The following RTN1 variants were observed in gnomAD, a reference collection of about 807,000 sequenced individuals.
The protein encoded by RTN1 is reticulon-1.
A neutral mutation model predicts 65.5 loss-of-function variants in RTN1; 25 were observed. That is an observed-to-expected ratio of 0.38 (90% CI 0.28 to 0.53). The LOEUF is 0.53. Among genes scored for constraint, RTN1 ranks in the 20% least tolerant of loss-of-function variants. The probability of loss-of-function intolerance (pLI) is 0.79; values close to 1 mark genes in which losing one functional copy is unlikely to be tolerated. For missense variants in RTN1, 983 were observed against 1,025.4 expected (o/e 0.96, Z 0.57); for synonymous variants, 471 against 447.6 (o/e 1.05, Z -0.66).
At chr14:59,636,387 T>C (rs1190344887) in intron 3 of RTN1, among the ~76,000 whole-genome samples, 1 of 152,166 alleles carries the variant, frequency 6.6e-6, no homozygotes, top group Non-Finnish European at 1.5e-5. Context: ...CGCCATGTGA[T>C]GTGCCTGCTC....
Position 59,870,364 on chromosome 14 carries a change from T to C in RTN1, c.241+26A>G. The C allele has an allele frequency of 2.0e-6, 3 of 1,480,526 alleles. No individual in the cohort carries two copies. Among genetic ancestry groups the C allele is most frequent in the Non-Finnish European group, 1.8e-6 (2 of 1,125,126 alleles). 91.7% of individuals were successfully genotyped at this position (1,480,526 alleles called of 1,614,324 possible). A position where few individuals can be genotyped will look rare whatever the true frequency, so the allele number is the denominator to read the frequency against. ...GGGGGGCCCTGGTCCCCGACGCCATTTGAGGGGCAGCGGCGCCCGCCTTAC... is the reference window on the plus strand; with the variant it reads ...GGGGGGCCCTGGTCCCCGACGCCATCTGAGGGGCAGCGGCGCCCGCCTTAC... On this transcript the variant is annotated intron_variant, in intron 1 of 8. Coordinates refer to ENST00000267484, the MANE Select transcript of RTN1 (RefSeq NM_021136.3). This position sits in a 1 kb window ranked among gnomAD's most constrained non-coding sequence, Gnocchi z 5.1.
intron 1 of RTN1, among the ~76,000 whole-genome samples, chr14:59,761,535 C>A (rs776180382): frequency 6.6e-6 from 1 of 152,144 alleles, no homozygotes; most frequent in Non-Finnish European, 1.5e-5. Flanking sequence ...ATAAATTATC[C>A]AGTCTCAGGT....
intron 1 of RTN1, among the ~76,000 whole-genome samples, chr14:59,784,003 C>T (rs1261792420): frequency 2.0e-5 from 3 of 150,782 alleles, no homozygotes; most frequent in Non-Finnish European, 4.4e-5. Flanking sequence ...CACTTATTGG[C>T]TGTTTGTTAT....
chr14:59,670,283 A>G (rs751012616), intron 3 of RTN1, among the ~76,000 whole-genome samples: 2 of 152,250 alleles, frequency 1.3e-5, no homozygotes, highest in Non-Finnish European at 2.9e-5. Flanking sequence ...ATAGCCCAGC[A>G]GTAAATTTTT....
In RTN1 at chr14:59,755,955, G is replaced by T. The variant is rs117733741; in HGVS notation, c.242-9474C>A. 8.5e-3 allele frequency among the ~76,000 whole-genome samples: 1,295 copies of T among 152,212 alleles called. 17 individuals carry two copies. Among genetic ancestry groups the T allele is most frequent in the Middle Eastern group, 0.01 (3 of 294 alleles). Reference sequence around the variant, plus strand: ...CTTGTCTGCCAGAATAATAGATTTCGCTTTTGGTTTTGCAAAATTAATGTT... The same window carrying T: ...CTTGTCTGCCAGAATAATAGATTTCTCTTTTGGTTTTGCAAAATTAATGTT... On this transcript the variant is annotated intron_variant, in intron 1 of 8. Transcript: ENST00000267484.
intron 1 of RTN1, among the ~76,000 whole-genome samples, chr14:59,818,078 C>A (rs1035770464): frequency 6.6e-6 from 1 of 152,108 alleles, no homozygotes; most frequent in Admixed American, 6.5e-5. Context: ...ATCTTTGTGT[C>A]CATGTGTATT....
chr14:59,814,056 G>A (rs905429233), intron 1 of RTN1, among the ~76,000 whole-genome samples: 8 of 152,184 alleles, frequency 5.3e-5, no homozygotes, highest in African/African-American at 1.9e-4. Flanking sequence ...AGGGACTCCT[G>A]TGAAGCCCAG....
At chr14:59,641,078 C>A (rs1017243299) in intron 3 of RTN1, among the ~76,000 whole-genome samples, 24 of 152,218 alleles carry the variant, frequency 1.6e-4, no homozygotes, top group African/African-American at 5.3e-4. Context: ...CCACCTCAGC[C>A]TCTAAAGCAG....
chr14:59,861,886 C>T (rs1277143657), intron 1 of RTN1, among the ~76,000 whole-genome samples: 5 of 152,144 alleles, frequency 3.3e-5, no homozygotes, highest in Non-Finnish European at 5.9e-5. Context: ...CTGCTCTCAC[C>T]GTATTATAGC....
At chr14:59,708,259 G>A (rs1884341739) in intron 3 of RTN1, among the ~76,000 whole-genome samples, 1 of 152,224 alleles carries the variant, frequency 6.6e-6, no homozygotes, top group Non-Finnish European at 1.5e-5. Flanking sequence ...AACAAGCTCG[G>A]TGTGGTAAAG....
intron 1 of RTN1, among the ~76,000 whole-genome samples, chr14:59,806,713 A>G (rs1886645947): frequency 6.6e-6 from 1 of 152,154 alleles, no homozygotes; most frequent in Non-Finnish European, 1.5e-5. Context: ...GAGAACATGT[A>G]GTATTTGGTT....
intron 1 of RTN1, among the ~76,000 whole-genome samples, chr14:59,772,386 G>A (rs1453527276): frequency 1.3e-5 from 2 of 151,716 alleles, no homozygotes; most frequent in Non-Finnish European, 2.9e-5. Context: ...CAATTCATGT[G>A]CAAGTACATT....
chr14:59,613,370 C>T (rs1882012487), intron 3 of RTN1, among the ~76,000 whole-genome samples: 1 of 152,174 alleles, frequency 6.6e-6, no homozygotes, highest in Non-Finnish European at 1.5e-5. Flanking sequence ...GTGATCTCAG[C>T]TCATTGCAAC....
chr14:59,672,517 G>C lies in RTN1; in HGVS notation c.1765+54402C>G, dbSNP rs982170756. Among the ~76,000 whole-genome samples, 3 of 151,824 alleles carry C rather than the reference G, an allele frequency of 2.0e-5. No homozygotes were observed. In the South Asian group the frequency reaches 6.2e-4, roughly 32 times the overall value. On this transcript the variant is annotated intron_variant, in intron 3 of 8. Coordinates refer to ENST00000267484, the MANE Select transcript of RTN1 (RefSeq NM_021136.3). ...AATTTCAAAATTAATATCAAGGAAGGTGCTGTCTTTCTCAAGCAGATTGTA... is the reference window on the plus strand; with the variant it reads ...AATTTCAAAATTAATATCAAGGAAGCTGCTGTCTTTCTCAAGCAGATTGTA...
At chr14:59,685,952 G>A (rs56344123) in intron 3 of RTN1, among the ~76,000 whole-genome samples, 3,524 of 152,286 alleles carry the variant, frequency 0.023, 144 homozygotes, top group African/African-American at 0.08. Flanking sequence ...AAAACTGCAT[G>A]GTACTGGCAT....
chr14:59,616,146 G>A (rs189707565), intron 3 of RTN1, among the ~76,000 whole-genome samples: 3 of 152,270 alleles, frequency 2.0e-5, no homozygotes, highest in East Asian at 1.9e-4. Context: ...ATGAAATGGT[G>A]TTTGGCTTTC....
chr14:59,660,780 C>G (rs568313751), intron 3 of RTN1, among the ~76,000 whole-genome samples: 6 of 151,842 alleles, frequency 4.0e-5, no homozygotes, highest in Admixed American at 2.6e-4. Flanking sequence ...AAAAAAGAAA[C>G]CAGGAAAGAC....
chr14:59,636,482 C>T (rs545263276), intron 3 of RTN1, among the ~76,000 whole-genome samples: 55 of 152,238 alleles, frequency 3.6e-4, no homozygotes, highest in South Asian at 1.2e-3. Flanking sequence ...TTGTACAGCC[C>T]GCAGATCCGT....
In RTN1 at chr14:59,855,151, C is replaced by T. The variant is rs78796161; in HGVS notation, c.241+15239G>A. Among the ~76,000 whole-genome samples the T allele has an allele frequency of 3.5e-3, 535 of 152,276 alleles. 20 individuals carry two copies. In the East Asian group the frequency reaches 0.06, roughly 17 times the overall value. On this transcript the variant is annotated intron_variant, in intron 1 of 8. Coordinates refer to ENST00000267484, the MANE Select transcript of RTN1 (RefSeq NM_021136.3). ...ACTGTACCCTATTAATATGAATACT[C>T]AATGAACATTTGAAAAAGGGAACAT...
Sources: gnomAD v4.1 joint callset for allele counts (sites outside exome capture counted in the v4.1 genomes callset) on GRCh38, gnomAD v4.1.1 for gene constraint, Gnocchi (gnomAD v3.1) non-coding constraint, MANE v1.5 for transcripts, NCBI Gene and HGNC (gene_info 2026-07-23, HGNC 2026-07-21) for gene names.